Variants in RTL4 observed in about 807,000 individuals in gnomAD.
RTL4 encodes retrotransposon Gag-like protein 4.
RTL4 carries 4 observed loss-of-function variants against 5.3 expected under a neutral mutation model. The ratio of observed to expected loss-of-function variants is 0.75; its 90% CI spans 0.37 to 1.72. The LOEUF (loss-of-function observed/expected upper bound fraction) is 1.72, where lower values mean the gene tolerates loss of function less well. Ranked by LOEUF, RTL4 falls within the 40% of genes most tolerant of loss-of-function variation. The pLI, the probability that RTL4 is intolerant of heterozygous loss-of-function variation, is 0.04. For missense variants in RTL4, 260 were observed against 227.1 expected (o/e 1.14, Z -0.93); for synonymous variants, 98 against 87.3 (o/e 1.12, Z -0.68).
the RTL4 span, among the ~76,000 whole-genome samples, chrX:112,248,845 A>G: frequency 8.9e-6 from 1 of 112,290 alleles, no homozygotes; most frequent in Non-Finnish European, 1.9e-5. Flanking sequence ...CATTATTTTT[A>G]GCTGAGTAGA....
the RTL4 span, among the ~76,000 whole-genome samples, chrX:112,221,302 A>G: frequency 1.8e-5 from 2 of 111,563 alleles, no homozygotes; most frequent in Non-Finnish European, 3.8e-5. Flanking sequence ...TGATCCAATC[A>G]TCTCTCACTG....
At chrX:112,254,027 A>G in the RTL4 span, among the ~76,000 whole-genome samples, 1 of 111,945 alleles carries the variant, frequency 8.9e-6, no homozygotes, top group Admixed American at 9.5e-5. Flanking sequence ...CTCTTTCCCA[A>G]TGTGTCTCAA....
chrX:112,208,573 T>C, the RTL4 span, among the ~76,000 whole-genome samples: 13 of 112,240 alleles, frequency 1.2e-4, no homozygotes, highest in Non-Finnish European at 2.3e-4. Context: ...CGATCATCTA[T>C]CTATGGCCTC....
chrX:112,326,647 G>C, the RTL4 span, among the ~76,000 whole-genome samples: 8,007 of 111,654 alleles, frequency 0.072, 230 homozygotes, highest in Middle Eastern at 0.16. Context: ...ACTGGGTGGA[G>C]CCCACCACAG....
chrX:112,149,633 G>A, the RTL4 span, among the ~76,000 whole-genome samples: 3 of 112,107 alleles, frequency 2.7e-5, no homozygotes, highest in African/African-American at 9.7e-5. Flanking sequence ...CTTTGATATT[G>A]AACCCTTTGC....
At chrX:112,158,786 G>A in the RTL4 span, among the ~76,000 whole-genome samples, 2 of 111,037 alleles carry the variant, frequency 1.8e-5, no homozygotes, top group Non-Finnish European at 3.8e-5. Flanking sequence ...TCTCCCTCTG[G>A]CTAAATATTT....
the RTL4 span, among the ~76,000 whole-genome samples, chrX:112,231,949 C>T: frequency 9.0e-6 from 1 of 111,533 alleles, no homozygotes; most frequent in Admixed American, 9.6e-5. Flanking sequence ...TGCTATGTTC[C>T]ACTGCTTCCA....
chrX:112,302,969 G>A, the RTL4 span, among the ~76,000 whole-genome samples: 1 of 112,023 alleles, frequency 8.9e-6, no homozygotes, highest in South Asian at 3.7e-4. Context: ...TCCAGAGGAC[G>A]TAGAATGTAC....
At chrX:112,226,823 C>A in the RTL4 span, among the ~76,000 whole-genome samples, 1 of 107,898 alleles carries the variant, frequency 9.3e-6, no homozygotes, top group East Asian at 2.9e-4. Flanking sequence ...GTAATCCCAG[C>A]TACTCAGGAG....
At chrX:112,373,329 T>A in the RTL4 span, among the ~76,000 whole-genome samples, 2 of 111,464 alleles carry the variant, frequency 1.8e-5, no homozygotes, top group African/African-American at 6.5e-5. Context: ...GCCATCCTCA[T>A]AGGCACATAG....
the RTL4 span, among the ~76,000 whole-genome samples, chrX:112,090,781 C>T: frequency 9.1e-6 from 1 of 110,389 alleles, no homozygotes; most frequent in Non-Finnish European, 1.9e-5. Context: ...TAGGAAGTAT[C>T]CTCTCCTATT....
the RTL4 span, among the ~76,000 whole-genome samples, chrX:112,264,373 A>G: frequency 2.2e-4 from 25 of 111,228 alleles, no homozygotes; most frequent in African/African-American, 7.8e-4. Context: ...CTCCACACAC[A>G]CTGTAGGTGC....
At chrX:112,158,338 A>T in the RTL4 span, among the ~76,000 whole-genome samples, 1 of 111,392 alleles carries the variant, frequency 9.0e-6, no homozygotes, top group African/African-American at 3.3e-5. Flanking sequence ...TGTAGAATAC[A>T]GAGTAGTGAA....
the RTL4 span, among the ~76,000 whole-genome samples, chrX:112,258,345 C>T: frequency 1.8e-5 from 2 of 110,304 alleles, no homozygotes; most frequent in African/African-American, 3.3e-5. Context: ...TGTACCACTG[C>T]GGTGGCGGGT....
chrX:112,131,574 T>C, the RTL4 span, among the ~76,000 whole-genome samples: 3 of 112,053 alleles, frequency 2.7e-5, no homozygotes, highest in Non-Finnish European at 5.6e-5. Flanking sequence ...CTGGTATTTC[T>C]TGAAATCTGA....
the RTL4 span, among the ~76,000 whole-genome samples, chrX:112,158,641 A>G: frequency 3.6e-5 from 4 of 111,147 alleles, no homozygotes; most frequent in Non-Finnish European, 7.5e-5. Flanking sequence ...GTCATTATGC[A>G]TGCCTCTATA....
the RTL4 span, among the ~76,000 whole-genome samples, chrX:112,098,183 C>T: frequency 4.1e-5 from 4 of 97,816 alleles, no homozygotes; most frequent in Non-Finnish European, 6.0e-5. Context: ...TTGTTCAATT[C>T]CCACCTATGA....
At chrX:112,230,560 C>T in the RTL4 span, among the ~76,000 whole-genome samples, 1 of 112,230 alleles carries the variant, frequency 8.9e-6, no homozygotes, top group South Asian at 3.7e-4. Context: ...GAGATGAACC[C>T]GGTACCTCAG....
chrX:112,310,700 T>G, the RTL4 span, among the ~76,000 whole-genome samples: 40 of 71,535 alleles, frequency 5.6e-4, no homozygotes, highest in Non-Finnish European at 9.5e-4. Flanking sequence ...ATATATTATA[T>G]AAAATAATAT....
Sources: allele counts gnomAD v4.1 joint callset (sites outside exome capture counted in the v4.1 genomes callset), GRCh38; gene constraint gnomAD v4.1.1; transcripts MANE v1.5; gene names NCBI Gene and HGNC (gene_info 2026-07-23, HGNC 2026-07-21).